Variants in NFILZ observed in about 807,000 individuals in gnomAD.
The protein encoded by NFILZ is NFIL3 like protein.
chr19:8,676,071 T>C (rs1332052995), intron 4 of NFILZ, among the ~76,000 whole-genome samples: 1 of 151,770 alleles, frequency 6.6e-6, no homozygotes, highest in Non-Finnish European at 1.5e-5. Context: ...AATGGGGAGA[T>C]GGGTTTGAGT....
At chr19:8,665,593 A>G (rs1288844333) in intron 3 of NFILZ, among the ~76,000 whole-genome samples, 2 of 152,128 alleles carry the variant, frequency 1.3e-5, no homozygotes, top group Admixed American at 6.5e-5. Context: ...CTCTCACCTC[A>G]GCCTCCCAAA....
At chr19:8,639,842 C>T (rs554697704) in intron 3 of NFILZ, among the ~76,000 whole-genome samples, 1 of 152,174 alleles carries the variant, frequency 6.6e-6, no homozygotes, top group Non-Finnish European at 1.5e-5. Flanking sequence ...CTCTGGGCGG[C>T]AGCTGAGCCA....
chr19:8,646,880 G>T (rs1298971132), intron 3 of NFILZ, among the ~76,000 whole-genome samples: 1 of 152,136 alleles, frequency 6.6e-6, no homozygotes, highest in Non-Finnish European at 1.5e-5. Flanking sequence ...TCCTGACCCG[G>T]ATCTAGGCTA....
intron 3 of NFILZ, among the ~76,000 whole-genome samples, chr19:8,673,835 C>CATTGATTGATTGATTG (rs560769834): frequency 6.6e-6 from 1 of 152,040 alleles, no homozygotes. Context: ...CACCACAAGG[C>CATTGATTGATTGATTG]ATTGATTGAT....
rs10407259 is a variant in NFILZ at position 8,652,145 on chromosome 19, G to A, written c.-164+16399G>A. On this transcript the variant is annotated intron_variant, in intron 3 of 5. Transcript: ENST00000691075. Reference sequence around the variant, plus strand: ...TGAAACGGAGTCTTGCTCTGTCGCCGAGGCTGGAGTGCGGTGGCGCGATCT... The same window carrying A: ...TGAAACGGAGTCTTGCTCTGTCGCCAAGGCTGGAGTGCGGTGGCGCGATCT... 2.7e-5 allele frequency among the ~76,000 whole-genome samples: 4 copies of A among 146,752 alleles called. No individual in the cohort carries two copies. In the East Asian group the frequency reaches 6.0e-4, roughly 22 times the overall value.
At chr19:8,665,005 G>C (rs2043055263) in intron 3 of NFILZ, among the ~76,000 whole-genome samples, 1 of 152,016 alleles carries the variant, frequency 6.6e-6, no homozygotes, top group Admixed American at 6.6e-5. Context: ...TCTCTCTGTG[G>C]TCCTTACCTA....
At position 8,652,993 on chromosome 19, in the gene NFILZ, TTCCTTC is replaced by T. The variant is rs2042973116; in HGVS notation, c.-164+17248_-164+17253del. Among the ~76,000 whole-genome samples the T allele has an allele frequency of 2.3e-3, 97 of 41,594 alleles. 2 individuals carry two copies. Among genetic ancestry groups the T allele is most frequent in the East Asian group, 3.4e-3 (2 of 592 alleles). 27.3% of individuals were successfully genotyped at this position (41,594 alleles called of 152,430 possible). A position where few individuals can be genotyped will look rare whatever the true frequency, so the allele number is the denominator to read the frequency against. On this transcript the variant is annotated intron_variant, in intron 3 of 5. Coordinates refer to ENST00000691075, the MANE Select transcript of NFILZ (RefSeq NM_001378600.1). The stretch of plus-strand genomic sequence containing the variant: ...CCTCCTTCCTTCCTTCCTTCCTTCC[TTCCTTC>T]CTTCCTTCCTTCCTTTCTTTCTTTC...
At chr19:8,663,772 A>ATGTGTGTATGTGTGTGTGTGTGTG in intron 3 of NFILZ, among the ~76,000 whole-genome samples, 1 of 77,026 alleles carries the variant, frequency 1.3e-5, no homozygotes, top group Non-Finnish European at 2.3e-5. Context: ...GTGTGTGTGT[A>ATGTGTGTATGTGTGTGTGTGTGTG]TGTATGTGTG....
intron 3 of NFILZ, among the ~76,000 whole-genome samples, chr19:8,636,151 A>T (rs1428243022): frequency 2.0e-5 from 3 of 151,860 alleles, no homozygotes; most frequent in Admixed American, 6.6e-5. Flanking sequence ...CCAGCCTTTT[A>T]AAAAAATTTT....
At chr19:8,665,823 C>T (rs953205481) in intron 3 of NFILZ, among the ~76,000 whole-genome samples, 1 of 152,150 alleles carries the variant, frequency 6.6e-6, no homozygotes. Context: ...CCCTTGTAAG[C>T]GACATGCCTA....
intron 3 of NFILZ, among the ~76,000 whole-genome samples, chr19:8,646,174 T>C (rs550968672): frequency 1.8e-4 from 28 of 152,030 alleles, no homozygotes; most frequent in Non-Finnish European, 3.5e-4. Flanking sequence ...GTAGCTGGGA[T>C]TATAGGTGTG....
At chr19:8,669,174 A>G (rs181964709) in intron 3 of NFILZ, among the ~76,000 whole-genome samples, 1 of 152,176 alleles carries the variant, frequency 6.6e-6, no homozygotes, top group African/African-American at 2.4e-5. Flanking sequence ...CGAACTTCCC[A>G]CTTCAGGTGA....
chr19:8,643,340 C>T (rs1353644650), intron 3 of NFILZ, among the ~76,000 whole-genome samples: 2 of 152,188 alleles, frequency 1.3e-5, no homozygotes, highest in Non-Finnish European at 2.9e-5. Flanking sequence ...TCCAGGCTAG[C>T]CCACCAGTCT....
chr19:8,647,779 G>GCACACACA (rs2042946284), intron 3 of NFILZ, among the ~76,000 whole-genome samples: 4 of 76,310 alleles, frequency 5.2e-5, no homozygotes, highest in Admixed American at 4.1e-4. Flanking sequence ...ACGCACACAT[G>GCACACACA]CGCGCGCGCG....
At chr19:8,674,025 A>T (rs1294065161) in intron 3 of NFILZ, among the ~76,000 whole-genome samples, 2 of 152,170 alleles carry the variant, frequency 1.3e-5, no homozygotes, top group African/African-American at 4.8e-5. Context: ...TATTTTTAGT[A>T]GAGACAGGGT....
chr19:8,671,972 G>A (rs1189130594), intron 3 of NFILZ, among the ~76,000 whole-genome samples: 1 of 152,220 alleles, frequency 6.6e-6, no homozygotes, highest in Non-Finnish European at 1.5e-5. Flanking sequence ...TTTGTGGGGA[G>A]AGAGGACCCA....
chr19:8,656,414 A>G (rs782168942), intron 3 of NFILZ, among the ~76,000 whole-genome samples: 3,906 of 19,582 alleles, frequency 0.2, 216 homozygotes, highest in Non-Finnish European at 0.22. Flanking sequence ...TCTCTCTGAA[A>G]CCCACCTCTT....
chr19:8,646,193 C>T (rs950409611), intron 3 of NFILZ, among the ~76,000 whole-genome samples: 1 of 152,056 alleles, frequency 6.6e-6, no homozygotes, highest in Admixed American at 6.6e-5. Flanking sequence ...TGTTCCACCA[C>T]ACCCAACTAA....
intron 3 of NFILZ, among the ~76,000 whole-genome samples, chr19:8,669,100 T>A (rs557831320): frequency 6.6e-6 from 1 of 152,242 alleles, no homozygotes; most frequent in East Asian, 1.9e-4. Context: ...TGCACTACCA[T>A]GCCCGGCTAA....
Sources: allele counts gnomAD v4.1 joint callset (sites outside exome capture counted in the v4.1 genomes callset), GRCh38; gene constraint gnomAD v4.1.1; transcripts MANE v1.5; gene names NCBI Gene and HGNC (gene_info 2026-07-23, HGNC 2026-07-21).